The following DLG2 variants were observed in gnomAD, a reference collection of about 807,000 sequenced individuals.
DLG2 encodes the protein disks large homolog 2.
Under a neutral mutation model 132.5 loss-of-function variants are expected in DLG2, and 45 were observed. That is an observed-to-expected ratio of 0.34 (90% CI 0.27 to 0.44). DLG2 has a LOEUF of 0.44. Ranked by LOEUF, DLG2 falls within the 20% of genes least tolerant of loss-of-function variation. The pLI, the probability that DLG2 is intolerant of heterozygous loss-of-function variation, is 1.00. For missense variants in DLG2, 1,045 were observed against 1,196.9 expected (o/e 0.87, Z 1.87); for synonymous variants, 424 against 419.6 (o/e 1.01, Z -0.13).
chr11:85,467,481 C>T (rs1421262638), intron 3 of DLG2, among the ~76,000 whole-genome samples: 1 of 152,092 alleles, frequency 6.6e-6, no homozygotes, highest in Non-Finnish European at 1.5e-5. Flanking sequence ...TGAGATATGT[C>T]CCATCAATAC....
At chr11:84,363,527 T>C (rs1387694508) in intron 7 of DLG2, among the ~76,000 whole-genome samples, 2 of 152,026 alleles carry the variant, frequency 1.3e-5, no homozygotes, top group East Asian at 3.9e-4. Context: ...AGATCCCATT[T>C]GTCAATTTTG....
intron 21 of DLG2, among the ~76,000 whole-genome samples, chr11:83,502,820 T>TAAAGTTAC (rs1323310976): frequency 6.6e-6 from 1 of 152,188 alleles, no homozygotes; most frequent in African/African-American, 2.4e-5. Flanking sequence ...TACACCAATT[T>TAAAGTTAC]AAAGTTACAG....
At chr11:84,870,540 A>G (rs937723953) in intron 6 of DLG2, among the ~76,000 whole-genome samples, 23 of 152,200 alleles carry the variant, frequency 1.5e-4, no homozygotes, top group African/African-American at 4.8e-4. Context: ...CTATTTTAAT[A>G]TTATTCCTAT....
chr11:84,616,611 C>T (rs2099604833), intron 6 of DLG2, among the ~76,000 whole-genome samples: 1 of 152,054 alleles, frequency 6.6e-6, no homozygotes, highest in African/African-American at 2.4e-5. Context: ...AGAAAACCCA[C>T]AATATAGTTT....
chr11:85,514,960 T>G (rs1253154848), intron 3 of DLG2, among the ~76,000 whole-genome samples: 1 of 151,894 alleles, frequency 6.6e-6, no homozygotes, highest in South Asian at 2.1e-4. Flanking sequence ...TTGAATTACT[T>G]GGAGGATTTC....
intron 6 of DLG2, among the ~76,000 whole-genome samples, chr11:84,826,138 T>C (rs1379371876): frequency 1.3e-5 from 2 of 151,928 alleles, no homozygotes; most frequent in Non-Finnish European, 2.9e-5. Context: ...CAACATGTAA[T>C]AATCATATTA....
chr11:84,703,855 A>AGGATAT (rs2059452812), intron 6 of DLG2, among the ~76,000 whole-genome samples: 1 of 74,468 alleles, frequency 1.3e-5, no homozygotes. Context: ...CTATGTAGTG[A>AGGATAT]AGATATATAT....
chr11:83,793,020 T>G (rs2041976766), intron 17 of DLG2, among the ~76,000 whole-genome samples: 1 of 152,192 alleles, frequency 6.6e-6, no homozygotes, highest in Non-Finnish European at 1.5e-5. Flanking sequence ...TTGTGTTTCT[T>G]CAATTATAAG....
At chr11:84,875,069 T>C (rs568047651) in intron 6 of DLG2, among the ~76,000 whole-genome samples, 1 of 149,952 alleles carries the variant, frequency 6.7e-6, no homozygotes, top group Non-Finnish European at 1.5e-5. Context: ...TATTGACTGA[T>C]GCATGAAAGC....
intron 19 of DLG2, among the ~76,000 whole-genome samples, chr11:83,559,022 TGAA>T (rs1456970906): frequency 2.0e-5 from 3 of 152,074 alleles, no homozygotes; most frequent in East Asian, 1.9e-4. Flanking sequence ...CTGAATAAAT[TGAA>T]GAAGAAGTAA....
chr11:84,180,609 G>C (rs933946877), intron 8 of DLG2, among the ~76,000 whole-genome samples: 7 of 151,912 alleles, frequency 4.6e-5, no homozygotes, highest in African/African-American at 9.7e-5. Flanking sequence ...CCAATAACTG[G>C]CATCTAGGCA....
chr11:84,566,163 A>C (rs2099454508), intron 6 of DLG2, among the ~76,000 whole-genome samples: 1 of 151,924 alleles, frequency 6.6e-6, no homozygotes, highest in African/African-American at 2.4e-5. Context: ...GGGTTTCACC[A>C]TGTTGGCCAG....
intron 6 of DLG2, among the ~76,000 whole-genome samples, chr11:85,039,766 C>G (rs947103709): frequency 6.6e-6 from 1 of 151,908 alleles, no homozygotes; most frequent in Non-Finnish European, 1.5e-5. Flanking sequence ...TATTGATACA[C>G]TATAAGCCCC....
At chr11:85,549,340 C>T (rs967115774) in intron 3 of DLG2, among the ~76,000 whole-genome samples, 3 of 152,168 alleles carry the variant, frequency 2.0e-5, no homozygotes, top group African/African-American at 7.2e-5. Context: ...ATGAGATGAA[C>T]CGGTTACCTC....
chr11:85,584,339 GGTGTGTGT>G (rs61334060), intron 3 of DLG2, among the ~76,000 whole-genome samples: 7,071 of 144,998 alleles, frequency 0.049, 215 homozygotes, highest in Middle Eastern at 0.057. Flanking sequence ...AGTATTCCAT[GGTGTGTGT>G]GTGTGTGTGT....
intron 7 of DLG2, among the ~76,000 whole-genome samples, chr11:84,491,028 G>C (rs1007257037): frequency 6.6e-6 from 1 of 152,036 alleles, no homozygotes; most frequent in Non-Finnish European, 1.5e-5. Flanking sequence ...CTCAGAGTTA[G>C]TGGTAGAGCT....
chr11:84,637,241 C>G (rs1490807715), intron 6 of DLG2, among the ~76,000 whole-genome samples: 4 of 152,186 alleles, frequency 2.6e-5, no homozygotes, highest in Non-Finnish European at 5.9e-5. Context: ...AAGAGTTTCC[C>G]TTACAAAGAT....
intron 19 of DLG2, among the ~76,000 whole-genome samples, chr11:83,587,127 T>A (rs2097099345): frequency 6.6e-6 from 1 of 152,246 alleles, no homozygotes. Context: ...TTCCAGAATG[T>A]AGTTCCTATT....
chr11:84,513,038 C>T (rs187065436), intron 7 of DLG2, among the ~76,000 whole-genome samples: 7 of 151,954 alleles, frequency 4.6e-5, no homozygotes, highest in South Asian at 2.1e-4. Flanking sequence ...CTAACTCATG[C>T]GGGGCTTAAA....
Sources: allele counts gnomAD v4.1 joint callset (sites outside exome capture counted in the v4.1 genomes callset), GRCh38; gene constraint gnomAD v4.1.1; transcripts MANE v1.5; gene names NCBI Gene and HGNC (gene_info 2026-07-23, HGNC 2026-07-21).